Variants in STRN observed in about 807,000 individuals in gnomAD.
STRN encodes the protein striatin, also known as protein phosphatase 2 regulatory subunit B'''alpha.
Under a neutral mutation model 96.3 loss-of-function variants are expected in STRN, and 53 were observed. The ratio of observed to expected loss-of-function variants is 0.55; its 90% CI spans 0.44 to 0.69. The LOEUF (loss-of-function observed/expected upper bound fraction) is 0.69. Among genes scored for constraint, STRN ranks in the 30% least tolerant of loss-of-function variants. STRN has a pLI of 0.00. For synonymous variants in STRN, 428 were observed against 355.9 expected (o/e 1.20, Z -2.28); for missense variants, 987 against 963.9 (o/e 1.02, Z -0.32).
At chr2:36,871,165 T>G (rs1471171329) in intron 10 of STRN, among the ~76,000 whole-genome samples, 1 of 152,176 alleles carries the variant, frequency 6.6e-6, no homozygotes, top group African/African-American at 2.4e-5. Flanking sequence ...GAAGAAAATT[T>G]TTTATATATA....
At chr2:36,947,568 A>T (rs1434845105) in intron 1 of STRN, among the ~76,000 whole-genome samples, 3 of 147,302 alleles carry the variant, frequency 2.0e-5, no homozygotes, top group Non-Finnish European at 3.0e-5. Flanking sequence ...TTACATATAT[A>T]TTATATATAT....
At position 36,843,501 on chromosome 2, in the gene STRN, A is replaced by T. The variant is rs543634680; in HGVS notation, c.*5955T>A. ...AAAACATAAAACCTATTCATTAAACATATGTGTCTCTGAAAGTACCACTGA... is the reference window on the plus strand; with the variant it reads ...AAAACATAAAACCTATTCATTAAACTTATGTGTCTCTGAAAGTACCACTGA... On this transcript the variant is annotated 3_prime_UTR_variant, in exon 18 of 18. Coordinates refer to ENST00000263918, the MANE Select transcript of STRN (RefSeq NM_003162.4). The T allele has an allele frequency of 6.6e-6, 1 of 152,278 alleles. No homozygotes were observed. The highest frequency in any genetic ancestry group is 1.5e-5 in the Non-Finnish European group (1 of 68,004). 9.4% of individuals were successfully genotyped at this position (152,278 alleles called of 1,614,324 possible).
chr2:36,849,406 G>C lies in STRN; in HGVS notation c.*50C>G. ...TGCCCTCGTCTTCTGTATCTCTTGTGTGCAGTTGATTACTTATAAACAGCT... is the reference window on the plus strand; with the variant it reads ...TGCCCTCGTCTTCTGTATCTCTTGTCTGCAGTTGATTACTTATAAACAGCT... On this transcript the variant is annotated 3_prime_UTR_variant, in exon 18 of 18. Transcript: ENST00000263918. 1 of 1,595,056 alleles carries C rather than the reference G, an allele frequency of 6.3e-7. No homozygotes were observed. Among genetic ancestry groups the C allele is most frequent in the Non-Finnish European group, 8.6e-7 (1 of 1,166,712 alleles).
chr2:36,877,051 T>C (rs1170736603), intron 10 of STRN, among the ~76,000 whole-genome samples: 2 of 152,132 alleles, frequency 1.3e-5, no homozygotes, highest in East Asian at 3.9e-4. Context: ...CCCAGCCCTA[T>C]AAACACATTT....
intron 1 of STRN, among the ~76,000 whole-genome samples, chr2:36,935,676 T>A (rs977682193): frequency 1.3e-5 from 2 of 152,208 alleles, no homozygotes; most frequent in African/African-American, 4.8e-5. Context: ...AGATTATAAA[T>A]CTGCTGAGGA....
chr2:36,932,088 G>A (rs551331475), intron 1 of STRN, among the ~76,000 whole-genome samples: 2 of 152,150 alleles, frequency 1.3e-5, no homozygotes, highest in African/African-American at 4.8e-5. Flanking sequence ...CCAAAGTGCT[G>A]GAAATACATG....
intron 1 of STRN, among the ~76,000 whole-genome samples, chr2:36,959,685 T>C (rs944370851): frequency 6.6e-6 from 1 of 152,208 alleles, no homozygotes; most frequent in Non-Finnish European, 1.5e-5. Context: ...GAAAAAGAAA[T>C]TATATCCCAA....
chr2:36,948,291 GGTTT>G (rs1558665610), intron 1 of STRN, among the ~76,000 whole-genome samples: 1 of 151,460 alleles, frequency 6.6e-6, no homozygotes, highest in Admixed American at 6.6e-5. Context: ...AGTAGAGACG[GGTTT>G]CACCATGTTG....
chr2:36,943,426 T>C (rs547402033), intron 1 of STRN, among the ~76,000 whole-genome samples: 1 of 151,850 alleles, frequency 6.6e-6, no homozygotes, highest in East Asian at 1.9e-4. Flanking sequence ...AATAAAACTT[T>C]TACGAAGCTC....
intron 5 of STRN, among the ~76,000 whole-genome samples, chr2:36,900,412 T>C (rs963727001): frequency 3.9e-5 from 6 of 152,102 alleles, no homozygotes; most frequent in African/African-American, 1.4e-4. Flanking sequence ...TCTGATGCAA[T>C]CTTGTATTTC....
At chr2:36,864,934 C>G (rs946715783) in intron 12 of STRN, among the ~76,000 whole-genome samples, 3 of 152,094 alleles carry the variant, frequency 2.0e-5, no homozygotes, top group African/African-American at 7.2e-5. Flanking sequence ...AGGCTGGTCT[C>G]GAACTCCTGA....
intron 1 of STRN, among the ~76,000 whole-genome samples, chr2:36,953,990 T>C (rs1431146855): frequency 6.6e-6 from 1 of 151,538 alleles, no homozygotes; most frequent in Non-Finnish European, 1.5e-5. Flanking sequence ...CTGGGCAGAA[T>C]AGAAGAGAGA....
At chr2:36,876,441 G>A (rs1158984865) in intron 10 of STRN, among the ~76,000 whole-genome samples, 2 of 152,280 alleles carry the variant, frequency 1.3e-5, no homozygotes, top group East Asian at 3.9e-4. Context: ...TTTGGAGGTA[G>A]AACCCAAAAG....
At chr2:36,868,133 A>C (rs1668676019) in intron 11 of STRN, among the ~76,000 whole-genome samples, 1 of 152,222 alleles carries the variant, frequency 6.6e-6, no homozygotes, top group South Asian at 2.1e-4. Context: ...CAAGAGAAAA[A>C]GCATGAGCTT....
rs770124021 is a variant in STRN, at chr2:36,899,478, T to C, written c.795+45A>G. The C allele has an allele frequency of 1.2e-5, 19 of 1,551,308 alleles. 1 individual carries two copies. The South Asian group carries it at 1.7e-4, about 14-fold the overall frequency. On this transcript the variant is annotated intron_variant, in intron 6 of 17. Coordinates refer to ENST00000263918, the MANE Select transcript of STRN (RefSeq NM_003162.4). ...CTTTTATGCATTATACAGTATGTAT[T>C]ATAGTCCCTAAAAATATTTATATTG...
Position 36,886,748 on chromosome 2 carries a change from T to C in STRN, c.1010A>G (p.Lys337Arg). 3 of 1,613,360 alleles carry C rather than the reference T, an allele frequency of 1.9e-6. No homozygotes were observed. The highest frequency in any genetic ancestry group is 1.1e-5 in the South Asian group (1 of 90,974). The change falls in exon 8 of 18, where the codon AAA becomes AGA. Residue 337 changes from lysine to arginine, a missense_variant. Lys to Arg is a conservative substitution (Grantham distance 26). Transcript: ENST00000263918. ...CCCCTTTTTCCCCTTTCTCTCCTTTTTGTATTGTTCCTTGAGTTTGGTAAT... is the reference window on the plus strand; with the variant it reads ...CCCCTTTTTCCCCTTTCTCTCCTTTCTGTATTGTTCCTTGAGTTTGGTAAT... ...GVITKLKEQY[K>R]KERKGKKGVK...
rs70946957 is a variant in STRN, at chr2:36,887,042, G to GACACAC, written c.932-222_932-217dup. ...TTCCTAGAATCAGTTTCTCCTGAAA[G>GACACAC]ACACACACACACACACACACACACA... On this transcript the variant is annotated intron_variant, in intron 7 of 17. Coordinates refer to ENST00000263918, the MANE Select transcript of STRN (RefSeq NM_003162.4). 1.5e-3 allele frequency among the ~76,000 whole-genome samples: 212 copies of GACACAC among 144,884 alleles called. 1 individual carries two copies. Among genetic ancestry groups the GACACAC allele is most frequent in the African/African-American group, 5.2e-3 (202 of 38,512 alleles).
At chr2:36,958,180 A>G (rs966544097) in intron 1 of STRN, among the ~76,000 whole-genome samples, 2 of 151,982 alleles carry the variant, frequency 1.3e-5, no homozygotes, top group Non-Finnish European at 2.9e-5. Context: ...TCAGCCTCCC[A>G]AAGTGCTGGT....
At chr2:36,869,367 T>A (rs1339563562) in intron 11 of STRN, among the ~76,000 whole-genome samples, 187 bp downstream of exon 11, 1 of 152,210 alleles carries the variant, frequency 6.6e-6, no homozygotes, top group Non-Finnish European at 1.5e-5. Context: ...TACCATATCT[T>A]CCTAAGCATC....
Sources: allele counts gnomAD v4.1 joint callset (sites outside exome capture counted in the v4.1 genomes callset), GRCh38; gene constraint gnomAD v4.1.1; transcripts MANE v1.5; gene names NCBI Gene and HGNC (gene_info 2026-07-23, HGNC 2026-07-21).